Variants in CTNNA3 observed in about 807,000 individuals in gnomAD.
CTNNA3 encodes catenin alpha 3.
CTNNA3 carries 76 observed loss-of-function variants against 95.7 expected under a neutral mutation model. That is an observed-to-expected ratio of 0.79 (90% CI 0.66 to 0.96). CTNNA3 has a LOEUF of 0.96. CTNNA3 is among the 40% of genes least tolerant of loss of function. The pLI is 0.00. For synonymous variants in CTNNA3, 431 were observed against 374.4 expected (o/e 1.15, Z -1.74); for missense variants, 1,191 against 1,089.8 (o/e 1.09, Z -1.31).
At chr10:66,720,575 A>G (rs1479243782) in intron 9 of CTNNA3, among the ~76,000 whole-genome samples, 2 of 152,280 alleles carry the variant, frequency 1.3e-5, no homozygotes, top group African/African-American at 2.4e-5. Flanking sequence ...GCTCACGCCT[A>G]TAATTCAAGC....
chr10:67,044,099 T>C (rs1854577754), intron 7 of CTNNA3, among the ~76,000 whole-genome samples: 1 of 151,906 alleles, frequency 6.6e-6, no homozygotes, highest in Non-Finnish European at 1.5e-5. Flanking sequence ...CTCCTCCCTC[T>C]TTCCCCCCAA....
At chr10:66,933,344 G>A (rs780952759) in intron 7 of CTNNA3, among the ~76,000 whole-genome samples, 10 of 152,202 alleles carry the variant, frequency 6.6e-5, no homozygotes, top group South Asian at 2.1e-4. Flanking sequence ...ACCGACCAGC[G>A]AACACTAAAA....
intron 10 of CTNNA3, among the ~76,000 whole-genome samples, chr10:66,531,345 T>C (rs1841459203): frequency 6.6e-6 from 1 of 151,902 alleles, no homozygotes; most frequent in Admixed American, 6.6e-5. Context: ...AAATGCTTGT[T>C]ACAAAGGTTG....
chr10:67,082,523 A>G (rs1857103936), intron 7 of CTNNA3, among the ~76,000 whole-genome samples: 1 of 152,202 alleles, frequency 6.6e-6, no homozygotes, highest in South Asian at 2.1e-4. Context: ...CATTTACTAT[A>G]GTAAGAAGTT....
intron 15 of CTNNA3, among the ~76,000 whole-genome samples, chr10:66,033,135 C>CTT (rs10665142): frequency 0.16 from 20,647 of 131,706 alleles, 1,972 homozygotes; most frequent in African/African-American, 0.2. Flanking sequence ...TTCTTTTTTT[C>CTT]TTTTTTTTTT....
intron 11 of CTNNA3, among the ~76,000 whole-genome samples, chr10:66,398,010 G>C (rs1290532584): frequency 2.0e-5 from 3 of 151,794 alleles, no homozygotes; most frequent in African/African-American, 7.2e-5. Flanking sequence ...ACAAGTAATT[G>C]ACTTACTGTG....
At chr10:66,936,208 T>C (rs1016247472) in intron 7 of CTNNA3, among the ~76,000 whole-genome samples, 1 of 152,180 alleles carries the variant, frequency 6.6e-6, no homozygotes, top group African/African-American at 2.4e-5. Flanking sequence ...GTGTGGAGTC[T>C]TTATTAGTTT....
chr10:66,289,636 G>A (rs184653681), intron 12 of CTNNA3, among the ~76,000 whole-genome samples: 17 of 152,010 alleles, frequency 1.1e-4, no homozygotes, highest in Admixed American at 1.1e-3. Flanking sequence ...TGCAGTAGGG[G>A]AGCTTACTAT....
At chr10:66,692,554 A>G (rs1005692346) in intron 9 of CTNNA3, among the ~76,000 whole-genome samples, 13 of 152,146 alleles carry the variant, frequency 8.5e-5, no homozygotes, top group Non-Finnish European at 1.9e-4. Context: ...TATTATCCAG[A>G]AGAACTTCCC....
chr10:67,424,301 A>G (rs1279832660), intron 5 of CTNNA3, among the ~76,000 whole-genome samples: 1 of 152,114 alleles, frequency 6.6e-6, no homozygotes. Context: ...TTTCAATTCA[A>G]TCCTCTTGTC....
At chr10:66,856,870 C>T (rs1168619977) in intron 7 of CTNNA3, among the ~76,000 whole-genome samples, 1 of 151,864 alleles carries the variant, frequency 6.6e-6, no homozygotes, top group Non-Finnish European at 1.5e-5. Context: ...TTTACTCTTT[C>T]AATAGTTTCT....
chr10:67,370,868 T>G (rs1340757018), intron 5 of CTNNA3, among the ~76,000 whole-genome samples: 4 of 146,766 alleles, frequency 2.7e-5, no homozygotes, highest in East Asian at 1.9e-4. Context: ...AAGTTTTTTT[T>G]GTTTTTTTTT....
chr10:67,322,626 A>G (rs1841372617), intron 5 of CTNNA3, among the ~76,000 whole-genome samples: 1 of 152,186 alleles, frequency 6.6e-6, no homozygotes, highest in African/African-American at 2.4e-5. Context: ...TCTACCATTC[A>G]TAGGCATTTA....
chr10:66,225,851 A>G (rs373096896), intron 13 of CTNNA3, among the ~76,000 whole-genome samples: 1 of 152,038 alleles, frequency 6.6e-6, no homozygotes. Flanking sequence ...AAATATACTT[A>G]TTAGCCACTC....
intron 9 of CTNNA3, among the ~76,000 whole-genome samples, chr10:66,629,800 G>T (rs1388668662): frequency 6.6e-6 from 1 of 152,046 alleles, no homozygotes; most frequent in Non-Finnish European, 1.5e-5. Context: ...ACTGTTCTCT[G>T]TTGGCTGGAA....
At chr10:66,925,992 C>G (rs1357497156) in intron 7 of CTNNA3, 3 of 456,750 alleles carry the variant, frequency 6.6e-6, no homozygotes, top group South Asian at 3.1e-5. Context: ...TTCTTCACCA[C>G]TGGGGGCAGC....
At chr10:66,858,338 A>G (rs1245700183) in intron 7 of CTNNA3, among the ~76,000 whole-genome samples, 3 of 152,064 alleles carry the variant, frequency 2.0e-5, no homozygotes, top group African/African-American at 7.2e-5. Flanking sequence ...ATCTATGTTC[A>G]TCAAGGATAT....
chr10:66,186,276 A>ATG (rs1377299893), intron 13 of CTNNA3, among the ~76,000 whole-genome samples: 1 of 111,848 alleles, frequency 8.9e-6, no homozygotes, highest in Non-Finnish European at 2.0e-5. Context: ...ACAAAATAAA[A>ATG]TGTGAGTGTG....
At chr10:66,134,423 AG>A (rs1357794312) in intron 13 of CTNNA3, among the ~76,000 whole-genome samples, 2 of 152,180 alleles carry the variant, frequency 1.3e-5, no homozygotes, top group African/African-American at 4.8e-5. Context: ...TAGATATTAT[AG>A]AAAATATTAA....
Sources: allele counts gnomAD v4.1 joint callset (sites outside exome capture counted in the v4.1 genomes callset), GRCh38; gene constraint gnomAD v4.1.1; transcripts MANE v1.5; gene names NCBI Gene and HGNC (gene_info 2026-07-23, HGNC 2026-07-21).